MIB1: variants seen among roughly 807,000 people sequenced by gnomAD.
MIB1 encodes the protein E3 ubiquitin-protein ligase MIB1.
A neutral mutation model predicts 124.5 loss-of-function variants in MIB1; 278 were observed. That is an observed-to-expected ratio of 2.23 (90% CI 2.02 to 2.47). MIB1 has a LOEUF of 2.47. MIB1 is among the 30% of genes most tolerant of loss of function. The pLI, the probability that MIB1 is intolerant of heterozygous loss-of-function variation, is 0.00. For synonymous variants in MIB1, 446 were observed against 429.4 expected (o/e 1.04, Z -0.48); for missense variants, 957 against 1,254.4 (o/e 0.76, Z 3.58).
intron 20 of MIB1, among the ~76,000 whole-genome samples, chr18:21,863,112 A>G (rs912083939): frequency 2.0e-5 from 3 of 152,158 alleles, no homozygotes; most frequent in South Asian, 4.1e-4. Flanking sequence ...ACTGTGCTCA[A>G]CTGTTTGCGG....
chr18:21,844,720 C>T (rs1032642090), intron 15 of MIB1, among the ~76,000 whole-genome samples: 3 of 152,198 alleles, frequency 2.0e-5, no homozygotes, highest in South Asian at 4.1e-4. Flanking sequence ...TGAGCCACTG[C>T]GCCCAGCCAT....
chr18:21,793,057 C>T (rs1015237310), intron 7 of MIB1, among the ~76,000 whole-genome samples: 2 of 152,184 alleles, frequency 1.3e-5, no homozygotes, highest in Non-Finnish European at 2.9e-5. Context: ...ATTGAGTCTG[C>T]ATCTCTTCGT....
In MIB1 at chr18:21,870,350, A is replaced by C. The variant is rs2042346657; in HGVS notation, c.*5684A>C. 6.6e-6 allele frequency: 1 copy of C among 152,192 alleles called. No homozygotes were observed. Among genetic ancestry groups the C allele is most frequent in the Admixed American group, 6.5e-5 (1 of 15,280 alleles). 9.4% of individuals were successfully genotyped at this position (152,192 alleles called of 1,614,324 possible). A position where few individuals can be genotyped will look rare whatever the true frequency, so the allele number is the denominator to read the frequency against. On this transcript the variant is annotated 3_prime_UTR_variant, in exon 21 of 21. Transcript: ENST00000261537. ...CATCTTCAATTCAGCATAAGTGTCC[A>C]CATCTAGAAGGCTCTCATTGCAGTT...
intron 1 of MIB1, among the ~76,000 whole-genome samples, chr18:21,720,283 A>G (rs757981802): frequency 5.9e-5 from 9 of 152,236 alleles, no homozygotes; most frequent in Admixed American, 1.3e-4. Context: ...TGTTTATGCC[A>G]TAAAAGCTAA....
chr18:21,740,883 T>G lies in MIB1; in HGVS notation c.-701T>G, dbSNP rs1216492519. 6.6e-6 allele frequency among the ~76,000 whole-genome samples: 1 copy of G among 152,234 alleles called. No homozygotes were observed. Among genetic ancestry groups the G allele is most frequent in the Non-Finnish European group, 1.5e-5 (1 of 68,030 alleles). On this transcript the variant is annotated 5_prime_UTR_variant, in exon 1 of 21. It adds an upstream start codon to the 5' untranslated region. Coordinates refer to ENST00000261537, the MANE Select transcript of MIB1 (RefSeq NM_020774.4). ...TCTGGAAGCCTTCCCACTCTATTAT[T>G]GCCGAGGATCCCCCTCCTAGACACT...
intron 12 of MIB1, among the ~76,000 whole-genome samples, chr18:21,824,582 A>G (rs980286973): frequency 4.6e-5 from 7 of 152,116 alleles, no homozygotes; most frequent in Non-Finnish European, 1.0e-4. Context: ...CTTGTAATAC[A>G]CAAATGTACT....
intron 12 of MIB1, chr18:21,828,017 T>G (rs2041941821): frequency 6.6e-6 from 1 of 152,014 alleles, no homozygotes; most frequent in South Asian, 2.1e-4. Context: ...TTATAAATTT[T>G]GCTAAGAGCA....
At chr18:21,765,672 A>G in intron 1 of MIB1, 100 bp from the exon 2 acceptor site, 1 of 1,135,092 alleles carries the variant, frequency 8.8e-7, no homozygotes, top group East Asian at 2.5e-5. Context: ...TTATTAGAAT[A>G]TCTTGTAAAA....
chr18:21,864,110 T>G (rs966259185), intron 20 of MIB1, among the ~76,000 whole-genome samples: 5 of 152,174 alleles, frequency 3.3e-5, no homozygotes, highest in African/African-American at 1.2e-4. Flanking sequence ...AGGTTGGGTT[T>G]CACTGGGGAC....
chr18:21,864,824 A>G lies in MIB1; in HGVS notation c.*158A>G, dbSNP rs1279925871. On this transcript the variant is annotated 3_prime_UTR_variant, in exon 21 of 21. Coordinates refer to ENST00000261537, the MANE Select transcript of MIB1 (RefSeq NM_020774.4). ...TAAATGTACCAGAACAAAAAACCCT[A>G]CAAAATGGTGTTGGAAATTGTGTTT... is the stretch of plus-strand genomic sequence containing the variant. 4.3e-6 allele frequency: 2 copies of G among 467,576 alleles called. No homozygotes were observed. Among genetic ancestry groups the G allele is most frequent in the Non-Finnish European group, 7.4e-6 (2 of 271,874 alleles). The allele number at this position is 467,576 out of a possible 1,614,324, so 29.0% of individuals were successfully genotyped here.
chr18:21,775,828 G>A (rs1185989746), intron 4 of MIB1, among the ~76,000 whole-genome samples: 1 of 152,112 alleles, frequency 6.6e-6, no homozygotes, highest in Non-Finnish European at 1.5e-5. Flanking sequence ...TCTCTTGATG[G>A]GTACCTGGGT....
chr18:21,817,353 G>A (rs988831474), intron 11 of MIB1, among the ~76,000 whole-genome samples: 3 of 151,720 alleles, frequency 2.0e-5, no homozygotes, highest in African/African-American at 7.3e-5. Flanking sequence ...TCAAACTTCT[G>A]GTCTCAAGCA....
At chr18:21,753,053 T>C (rs1211758901) in intron 1 of MIB1, among the ~76,000 whole-genome samples, 1 of 152,122 alleles carries the variant, frequency 6.6e-6, no homozygotes, top group African/African-American at 2.4e-5. Flanking sequence ...CCCAATACTG[T>C]GCTTTTAAAG....
intron 10 of MIB1, among the ~76,000 whole-genome samples, chr18:21,807,272 A>C (rs950284025): frequency 6.6e-6 from 1 of 152,136 alleles, no homozygotes; most frequent in Non-Finnish European, 1.5e-5. Flanking sequence ...CTCTATTAAA[A>C]ATATAAAACA....
chr18:21,779,463 T>C lies in MIB1; in HGVS notation c.704-18T>C. On this transcript the variant is annotated intron_variant, in intron 5 of 20. Transcript: ENST00000261537. Reference sequence around the variant, plus strand: ...GAGGTTTTTTTCTCCCTTTATTCAATTGCCTCTGAAATTACAGGTGAGCAG... The same window carrying C: ...GAGGTTTTTTTCTCCCTTTATTCAACTGCCTCTGAAATTACAGGTGAGCAG... 2.5e-6 allele frequency: 4 copies of C among 1,609,610 alleles called. No homozygotes were observed. Among genetic ancestry groups the C allele is most frequent in the Non-Finnish European group, 3.4e-6 (4 of 1,175,924 alleles).
intron 1 of MIB1, among the ~76,000 whole-genome samples, chr18:21,729,277 G>A (rs769664059): frequency 2.0e-5 from 3 of 152,076 alleles, no homozygotes; most frequent in Non-Finnish European, 2.9e-5. Flanking sequence ...TAGTCTGTTC[G>A]GGCTGCTATA....
intron 8 of MIB1, 41 bp from the exon 9 acceptor site, chr18:21,799,800 G>T: frequency 6.4e-7 from 1 of 1,573,624 alleles, no homozygotes; most frequent in South Asian, 1.2e-5. Context: ...GTTAAGGTTT[G>T]AGATCCTCCT....
At chr18:21,742,632 T>G (rs942044854) in intron 1 of MIB1, among the ~76,000 whole-genome samples, 1 of 152,214 alleles carries the variant, frequency 6.6e-6, no homozygotes, top group Non-Finnish European at 1.5e-5. Flanking sequence ...AGTTTCTAAA[T>G]GATTAAACCA....
intron 5 of MIB1, among the ~76,000 whole-genome samples, chr18:21,778,554 C>A (rs916790791): frequency 6.6e-6 from 1 of 151,860 alleles, no homozygotes; most frequent in Non-Finnish European, 1.5e-5. Flanking sequence ...CTAAGTACAG[C>A]TCCAAGATTA....
Sources: gnomAD v4.1 joint callset for allele counts (sites outside exome capture counted in the v4.1 genomes callset) on GRCh38, gnomAD v4.1.1 for gene constraint, MANE v1.5 for transcripts, NCBI Gene and HGNC (gene_info 2026-07-23, HGNC 2026-07-21) for gene names.